Variants in NAV2 observed in about 807,000 individuals in gnomAD.
NAV2 encodes the protein helicase, APC down-regulated 1.
A neutral mutation model predicts 223.2 loss-of-function variants in NAV2; 54 were observed. The ratio of observed to expected loss-of-function variants is 0.24; its 90% CI spans 0.19 to 0.30. The LOEUF is 0.30. Ranked by LOEUF, NAV2 falls within the 10% of genes least tolerant of loss-of-function variation. The pLI is 1.00. For missense variants in NAV2, 2,806 were observed against 3,147.5 expected, an observed-to-expected ratio of 0.89 and a Z score of 2.60; for synonymous variants, 1,279 against 1,239.3, an observed-to-expected ratio of 1.03 and a Z score of -0.67.
At chr11:19,652,951 C>T (rs1316114121) in intron 1 of NAV2, among the ~76,000 whole-genome samples, 1 of 152,150 alleles carries the variant, frequency 6.6e-6, no homozygotes, top group African/African-American at 2.4e-5. Flanking sequence ...AAGGTTATCT[C>T]CACTTTTTCT....
chr11:19,840,267 A>G (rs1297865928), intron 2 of NAV2, among the ~76,000 whole-genome samples: 1 of 152,136 alleles, frequency 6.6e-6, no homozygotes, highest in Admixed American at 6.5e-5. Flanking sequence ...TGTAAAATGG[A>G]AGTATTAGGC....
At chr11:19,733,668 A>C (rs1326952182) in intron 1 of NAV2, among the ~76,000 whole-genome samples, 1 of 152,132 alleles carries the variant, frequency 6.6e-6, no homozygotes, top group East Asian at 1.9e-4. Context: ...ATATATGGGG[A>C]GAGGAAAGAG....
chr11:19,513,028 C>T (rs1407767336), intron 1 of NAV2, among the ~76,000 whole-genome samples: 4 of 152,198 alleles, frequency 2.6e-5, no homozygotes, highest in African/African-American at 9.7e-5. Flanking sequence ...GAGACCCAGG[C>T]TGGGGCAGGG....
Position 19,935,864 on chromosome 11 carries a change from T to TTTGTTTTTTTTTTTG in NAV2, c.2033+1589_2033+1590insGTTTTTTTTTTTGTT, listed in dbSNP as rs1555156835. 4.9e-5 allele frequency among the ~76,000 whole-genome samples: 5 copies of TTTGTTTTTTTTTTTG among 101,154 alleles called. 1 individual carries two copies. Among genetic ancestry groups the TTTGTTTTTTTTTTTG allele is most frequent in the East Asian group, 3.3e-4 (1 of 3,018 alleles). The allele number at this position is 101,154 out of a possible 152,430, so 66.4% of individuals were successfully genotyped here. ...TGTTTTGTTTCTGTTTTTTTTTTTT[T>TTTGTTTTTTTTTTTG]TTTTTTTTTTTGAGATGGAGTGTCG... On this transcript the variant is annotated intron_variant, in intron 7 of 37. Coordinates refer to ENST00000349880, the MANE Select transcript of NAV2 (RefSeq NM_145117.5).
intron 1 of NAV2, chr11:19,384,897 A>G (rs1285717515): frequency 6.6e-6 from 1 of 152,226 alleles, no homozygotes; most frequent in Non-Finnish European, 1.5e-5. Context: ...TTTTGCAAGA[A>G]TGAGTGAATC....
chr11:20,100,457 G>A (rs1472659660), intron 31 of NAV2, among the ~76,000 whole-genome samples: 1 of 152,026 alleles, frequency 6.6e-6, no homozygotes, highest in African/African-American at 2.4e-5. Flanking sequence ...TATGTGGGAG[G>A]GAGCAGGGTG....
At chr11:19,902,659 C>T (rs2042545647) in intron 6 of NAV2, among the ~76,000 whole-genome samples, 1 of 152,172 alleles carries the variant, frequency 6.6e-6, no homozygotes, top group Admixed American at 6.5e-5. Flanking sequence ...ATCACACATA[C>T]ATGAATTCAG....
chr11:19,955,628 A>G (rs564703837), intron 10 of NAV2, among the ~76,000 whole-genome samples: 1 of 152,348 alleles, frequency 6.6e-6, no homozygotes, highest in Non-Finnish European at 1.5e-5. Context: ...CTGATGGAAG[A>G]TAGACATGCC....
intron 37 of NAV2, 51 bp from the exon 38 acceptor site, chr11:20,118,082 G>A (rs1345347504): frequency 6.2e-7 from 1 of 1,607,178 alleles, no homozygotes; most frequent in Admixed American, 1.7e-5. Flanking sequence ...AGTCCAGGGT[G>A]GGCGGCCAAC....
At chr11:19,586,589 C>A (rs2045903275) in intron 1 of NAV2, among the ~76,000 whole-genome samples, 1 of 152,126 alleles carries the variant, frequency 6.6e-6, no homozygotes, top group South Asian at 2.1e-4. Context: ...GTTAGTTTTC[C>A]TTCTAACAGT....
intron 2 of NAV2, 42 bp downstream of exon 2, chr11:19,832,643 A>G (rs755256083): frequency 1.3e-6 from 2 of 1,536,794 alleles, no homozygotes; most frequent in Non-Finnish European, 1.8e-6. Context: ...GTTACAGTGG[A>G]GCCATCTCAA....
chr11:19,426,725 G>A (rs953702548), intron 1 of NAV2, among the ~76,000 whole-genome samples: 1 of 151,854 alleles, frequency 6.6e-6, no homozygotes, highest in Non-Finnish European at 1.5e-5. Context: ...GGGCGGGGTT[G>A]TCATCAATTT....
intron 3 of NAV2, among the ~76,000 whole-genome samples, chr11:19,846,001 T>C (rs1347908472): frequency 3.3e-5 from 5 of 152,226 alleles, no homozygotes; most frequent in Non-Finnish European, 5.9e-5. Flanking sequence ...ATTAGAAGAA[T>C]AGACTATTGC....
At chr11:19,414,437 T>G (rs1243341449) in intron 1 of NAV2, among the ~76,000 whole-genome samples, 1 of 152,182 alleles carries the variant, frequency 6.6e-6, no homozygotes, top group Non-Finnish European at 1.5e-5. Flanking sequence ...TCACCCAGAT[T>G]TATAAAGCAA....
chr11:19,371,495 A>G (rs577560736), intron 1 of NAV2, among the ~76,000 whole-genome samples: 1 of 152,328 alleles, frequency 6.6e-6, no homozygotes, highest in South Asian at 2.1e-4. Flanking sequence ...GTTAACGTTT[A>G]TTGAGTACTT....
intron 1 of NAV2, among the ~76,000 whole-genome samples, chr11:19,745,632 A>G (rs959233711): frequency 6.6e-6 from 1 of 151,826 alleles, no homozygotes; most frequent in Non-Finnish European, 1.5e-5. Context: ...GTGGAAGACA[A>G]TTTTTCCATG....
intron 10 of NAV2, among the ~76,000 whole-genome samples, chr11:19,960,437 T>C (rs1306843925): frequency 6.6e-6 from 1 of 152,104 alleles, no homozygotes; most frequent in Non-Finnish European, 1.5e-5. Context: ...TACTTAATTG[T>C]CTTAAGCCCA....
chr11:19,921,039 A>G (rs12805235), intron 6 of NAV2, among the ~76,000 whole-genome samples: 4,576 of 152,284 alleles, frequency 0.03, 105 homozygotes, highest in Middle Eastern at 0.058. Context: ...GGCATTTTCT[A>G]TCTCACTATG....
chr11:19,772,807 G>C (rs990427522), intron 1 of NAV2, among the ~76,000 whole-genome samples: 1 of 152,156 alleles, frequency 6.6e-6, no homozygotes, highest in African/African-American at 2.4e-5. Context: ...TCCCCTGGCC[G>C]GCCCCCACCG....
Sources: allele counts gnomAD v4.1 joint callset (sites outside exome capture counted in the v4.1 genomes callset), GRCh38; gene constraint gnomAD v4.1.1; transcripts MANE v1.5; gene names NCBI Gene and HGNC (gene_info 2026-07-23, HGNC 2026-07-21).